The following DSCAM variants were observed in gnomAD, a reference collection of about 807,000 sequenced individuals.
The protein encoded by DSCAM is cell adhesion molecule DSCAM.
DSCAM carries 47 observed loss-of-function variants against 217.7 expected under a neutral mutation model. The observed-to-expected ratio is 0.22, with a 90% CI of 0.17 to 0.28. The LOEUF (loss-of-function observed/expected upper bound fraction) is 0.28, where lower values mean the gene tolerates loss of function less well. Among genes scored for constraint, DSCAM ranks in the 10% least tolerant of loss-of-function variants. The probability of loss-of-function intolerance (pLI) is 1.00; values close to 1 mark genes in which losing one functional copy is unlikely to be tolerated. For missense variants in DSCAM, 2,080 were observed against 2,618.3 expected (o/e 0.79, Z 4.49); for synonymous variants, 1,056 against 1,015.3 (o/e 1.04, Z -0.76).
At chr21:40,634,235 C>G (rs4818146) in intron 3 of DSCAM, among the ~76,000 whole-genome samples, 86,571 of 152,060 alleles carry the variant, frequency 0.57, 25,022 homozygotes, top group African/African-American at 0.66. Flanking sequence ...AAAGATGTTT[C>G]AGGAATGAGA....
At chr21:40,754,088 G>T (rs2091253044) in intron 1 of DSCAM, among the ~76,000 whole-genome samples, 1 of 152,132 alleles carries the variant, frequency 6.6e-6, no homozygotes, top group Admixed American at 6.5e-5. Context: ...TTGCCATCAG[G>T]CCAGAGCCTC....
intron 3 of DSCAM, among the ~76,000 whole-genome samples, chr21:40,538,621 T>C (rs2076518562): frequency 6.6e-6 from 1 of 152,180 alleles, no homozygotes; most frequent in South Asian, 2.1e-4. Context: ...TCTGGAGCAA[T>C]GGTATTATTT....
intron 3 of DSCAM, among the ~76,000 whole-genome samples, chr21:40,380,241 C>T (rs908735441): frequency 6.6e-6 from 1 of 152,184 alleles, no homozygotes; most frequent in Non-Finnish European, 1.5e-5. Flanking sequence ...ATATTCAAGT[C>T]TGTCACTAAT....
intron 3 of DSCAM, among the ~76,000 whole-genome samples, chr21:40,520,090 A>G (rs2076347062): frequency 6.6e-6 from 1 of 152,112 alleles, no homozygotes; most frequent in Non-Finnish European, 1.5e-5. Context: ...CTAAATGAAT[A>G]TGTTTCCTTA....
chr21:40,422,283 C>T (rs2075431864), intron 3 of DSCAM, among the ~76,000 whole-genome samples: 2 of 152,280 alleles, frequency 1.3e-5, no homozygotes, highest in South Asian at 2.1e-4. Context: ...CTAAAAGGTT[C>T]GTTGACATAT....
chr21:40,580,132 A>G (rs928943624), intron 3 of DSCAM, among the ~76,000 whole-genome samples: 4 of 149,254 alleles, frequency 2.7e-5, no homozygotes, highest in African/African-American at 7.5e-5. Flanking sequence ...CCCAAGCTGG[A>G]GTGCAGTGGC....
intron 3 of DSCAM, among the ~76,000 whole-genome samples, chr21:40,630,131 T>C (rs897016087): frequency 5.3e-5 from 8 of 152,084 alleles, no homozygotes; most frequent in African/African-American, 1.9e-4. Context: ...AGAAGGGCTG[T>C]ATAAACAATT....
At chr21:40,415,878 G>A (rs567559614) in intron 3 of DSCAM, among the ~76,000 whole-genome samples, 3 of 152,098 alleles carry the variant, frequency 2.0e-5, no homozygotes, top group Admixed American at 6.5e-5. Flanking sequence ...GTCATGCATC[G>A]CTGTCATCAT....
chr21:40,703,728 G>T (rs562762583), intron 2 of DSCAM, among the ~76,000 whole-genome samples: 2 of 152,266 alleles, frequency 1.3e-5, no homozygotes, highest in African/African-American at 4.8e-5. Flanking sequence ...TGAGCTTGGG[G>T]TTTGTTGAGC....
At chr21:40,378,750 C>T (rs911398596) in intron 3 of DSCAM, among the ~76,000 whole-genome samples, 3 of 151,516 alleles carry the variant, frequency 2.0e-5, no homozygotes, top group Non-Finnish European at 4.4e-5. Flanking sequence ...CGCTACCACG[C>T]CCGGCTAATT....
intron 3 of DSCAM, among the ~76,000 whole-genome samples, chr21:40,431,135 C>T (rs1311942892): frequency 2.0e-5 from 3 of 152,186 alleles, no homozygotes; most frequent in Admixed American, 6.5e-5. Flanking sequence ...TTTAAAAGGG[C>T]TGATGTTATG....
intron 14 of DSCAM, among the ~76,000 whole-genome samples, chr21:40,182,529 GCA>G: frequency 6.6e-6 from 1 of 151,702 alleles, no homozygotes; most frequent in African/African-American, 2.4e-5. Flanking sequence ...ACTGTGGACA[GCA>G]GAGGCCAACA....
At chr21:40,781,310 G>A (rs1180939538) in intron 1 of DSCAM, among the ~76,000 whole-genome samples, 1 of 152,162 alleles carries the variant, frequency 6.6e-6, no homozygotes, top group Non-Finnish European at 1.5e-5. Flanking sequence ...ATGAGCCACC[G>A]TGCCTGGCCC....
At chr21:40,579,734 C>G (rs1016866352) in intron 3 of DSCAM, among the ~76,000 whole-genome samples, 3 of 152,152 alleles carry the variant, frequency 2.0e-5, no homozygotes, top group African/African-American at 7.2e-5. Context: ...ATATAGGATT[C>G]CATCTCCATT....
At chr21:40,308,183 C>T (rs192074972) in intron 9 of DSCAM, among the ~76,000 whole-genome samples, 22 of 152,250 alleles carry the variant, frequency 1.4e-4, no homozygotes, top group Middle Eastern at 3.4e-3. Flanking sequence ...ATTGTGGATA[C>T]GCTATGCTGT....
chr21:40,787,117 T>C (rs1204394929), intron 1 of DSCAM, among the ~76,000 whole-genome samples: 1 of 152,214 alleles, frequency 6.6e-6, no homozygotes, highest in East Asian at 1.9e-4. Flanking sequence ...AAATACAGGC[T>C]GGGAAAGTAT....
In DSCAM at chr21:40,266,812, A is replaced by G. The variant is rs546709684; in HGVS notation, c.2356+9285T>C. On this transcript the variant is annotated intron_variant, in intron 11 of 32. Coordinates refer to ENST00000400454, the MANE Select transcript of DSCAM (RefSeq NM_001389.5). ...TATATATATATATACACACACACACACCCCCACACACATCGTGAAGTACTA... is the reference window on the plus strand; with the variant it reads ...TATATATATATATACACACACACACGCCCCCACACACATCGTGAAGTACTA... Among the ~76,000 whole-genome samples, 31 of 142,666 alleles carry G rather than the reference A, an allele frequency of 2.2e-4. 1 individual carries two copies. The highest frequency in any genetic ancestry group is 7.0e-4 in the African/African-American group (27 of 38,398). The allele number at this position is 142,666 out of a possible 152,430, so 93.6% of individuals were successfully genotyped here.
chr21:40,735,480 A>T (rs984440216), intron 1 of DSCAM, among the ~76,000 whole-genome samples: 1 of 152,234 alleles, frequency 6.6e-6, no homozygotes, highest in African/African-American at 2.4e-5. Flanking sequence ...AAAAGGCTGC[A>T]AACTCTTGCC....
At position 40,339,197 on chromosome 21, in the gene DSCAM, G is replaced by A. The variant is rs886183269; in HGVS notation, c.1429C>T (p.Arg477Trp). ...GTGCAGCGGTAGACTCCCCCGTCCC[G>A]GACCTGGGAGCTGGAGATGTTCAGG... is the stretch of plus-strand genomic sequence containing the variant. The part of the protein sequence containing the change: ...SYLNISSSQV[R>W]DGGVYRCTAN... The change falls in exon 7 of 33, where the codon CGG becomes TGG. Residue 477 changes from arginine (R) to tryptophan (W), a missense_variant. Coordinates refer to ENST00000400454, the MANE Select transcript of DSCAM (RefSeq NM_001389.5). 7.4e-6 allele frequency: 12 copies of A among 1,614,028 alleles called. No homozygotes were observed. In the African/African-American group the frequency reaches 8.0e-5, roughly 11 times the overall value.
Sources: allele counts gnomAD v4.1 joint callset (sites outside exome capture counted in the v4.1 genomes callset), GRCh38; gene constraint gnomAD v4.1.1; transcripts MANE v1.5; gene names NCBI Gene and HGNC (gene_info 2026-07-23, HGNC 2026-07-21).